Variants in RBFOX1 observed in about 807,000 individuals in gnomAD.
RBFOX1 encodes RNA binding fox-1 homolog 1.
A neutral mutation model predicts 57.7 loss-of-function variants in RBFOX1; 8 were observed. The ratio of observed to expected loss-of-function variants is 0.14; its 90% CI spans 0.08 to 0.25. The LOEUF is 0.25. RBFOX1 is among the 10% of genes least tolerant of loss of function. RBFOX1 has a pLI of 1.00. For synonymous variants in RBFOX1, 326 were observed against 222.4 expected (o/e 1.47, Z -4.15); for missense variants, 611 against 548.5 (o/e 1.11, Z -1.14).
chr16:5,497,002 T>G (rs74004336), intron 2 of RBFOX1, among the ~76,000 whole-genome samples: 7,869 of 152,304 alleles, frequency 0.052, 631 homozygotes, highest in African/African-American at 0.17. Flanking sequence ...AAAAGAATTT[T>G]TTTTTCAGGG....
intron 3 of RBFOX1, among the ~76,000 whole-genome samples, chr16:5,742,561 G>A (rs796596852): frequency 5.1e-4 from 78 of 152,252 alleles, no homozygotes; most frequent in African/African-American, 1.7e-3. Context: ...CCATAAGAAC[G>A]TCTGGCACAT....
chr16:5,780,334 A>G (rs935648187), intron 3 of RBFOX1, among the ~76,000 whole-genome samples: 3 of 152,150 alleles, frequency 2.0e-5, no homozygotes, highest in Non-Finnish European at 2.9e-5. Context: ...TTACCTTTCT[A>G]TAATCTTTTT....
rs576435916 is a variant in RBFOX1 at position 6,912,606 on chromosome 16, T to C, written c.-15-139451T>C. Reference sequence around the variant, plus strand: ...CTTGCTTTCTTGCTTTCTTTTCTTGTGTGTGTGTGTTATTACTATTTTTTT... The same window carrying C: ...CTTGCTTTCTTGCTTTCTTTTCTTGCGTGTGTGTGTTATTACTATTTTTTT... On this transcript the variant is annotated intron_variant, in intron 3 of 15. Transcript: ENST00000550418. Among the ~76,000 whole-genome samples, 18 of 136,580 alleles carry C rather than the reference T, an allele frequency of 1.3e-4. No homozygotes were observed. In the Middle Eastern group the frequency reaches 0.012, roughly 88 times the overall value. 89.6% of individuals were successfully genotyped at this position (136,580 alleles called of 152,430 possible).
chr16:6,654,105 T>G (rs1458357513), intron 2 of RBFOX1, among the ~76,000 whole-genome samples: 3 of 123,224 alleles, frequency 2.4e-5, no homozygotes, highest in African/African-American at 7.8e-5. Context: ...CATGGCTGTT[T>G]GGGTGGATGG....
chr16:7,700,300 C>G (rs575275886), intron 14 of RBFOX1, among the ~76,000 whole-genome samples: 2 of 152,226 alleles, frequency 1.3e-5, no homozygotes, highest in South Asian at 4.2e-4. Context: ...CATAACCCTC[C>G]TCTCACCCTC....
At chr16:7,703,740 T>G (rs532607064) in intron 14 of RBFOX1, among the ~76,000 whole-genome samples, 25 of 152,316 alleles carry the variant, frequency 1.6e-4, no homozygotes, top group African/African-American at 5.8e-4. Flanking sequence ...ATATTCCCAT[T>G]CAAGAGGCTG....
At chr16:7,507,708 C>A (rs1306773728) in intron 4 of RBFOX1, among the ~76,000 whole-genome samples, 1 of 151,628 alleles carries the variant, frequency 6.6e-6, no homozygotes, top group Non-Finnish European at 1.5e-5. Context: ...GGACTACAGG[C>A]GCCCACCACC....
intron 10 of RBFOX1, among the ~76,000 whole-genome samples, chr16:7,612,490 G>A (rs2057703586): frequency 6.6e-6 from 1 of 151,800 alleles, no homozygotes; most frequent in Non-Finnish European, 1.5e-5. Flanking sequence ...CCCAGTAGCA[G>A]GCCTCATGTT....
At chr16:6,251,586 T>C (rs1260172216) in intron 1 of RBFOX1, among the ~76,000 whole-genome samples, 1 of 151,402 alleles carries the variant, frequency 6.6e-6, no homozygotes, top group African/African-American at 2.4e-5. Flanking sequence ...CCCTTGGAGG[T>C]AGGGGGAGAG....
intron 10 of RBFOX1, among the ~76,000 whole-genome samples, chr16:7,607,577 A>G (rs1420122862): frequency 2.0e-5 from 3 of 152,190 alleles, no homozygotes; most frequent in African/African-American, 4.8e-5. Flanking sequence ...AGGACAATTC[A>G]CATTGATTTT....
intron 4 of RBFOX1, among the ~76,000 whole-genome samples, chr16:7,287,193 G>C (rs2095667065): frequency 6.6e-6 from 1 of 152,182 alleles, no homozygotes; most frequent in Non-Finnish European, 1.5e-5. Flanking sequence ...GGAAAGTGCA[G>C]GTCTTGATAA....
chr16:7,013,209 G>C (rs1597003111), intron 3 of RBFOX1, among the ~76,000 whole-genome samples: 1 of 152,150 alleles, frequency 6.6e-6, no homozygotes, highest in African/African-American at 2.4e-5. Context: ...GAGCCATTTA[G>C]TTCTCTAAGC....
chr16:6,201,913 A>C (rs533820683), intron 1 of RBFOX1, among the ~76,000 whole-genome samples: 1 of 152,316 alleles, frequency 6.6e-6, no homozygotes, highest in East Asian at 1.9e-4. Flanking sequence ...AATTGACTAC[A>C]ACTTAGAGCA....
At chr16:7,091,788 A>G (rs1228530622) in intron 4 of RBFOX1, among the ~76,000 whole-genome samples, 1 of 152,170 alleles carries the variant, frequency 6.6e-6, no homozygotes, top group Non-Finnish European at 1.5e-5. Flanking sequence ...TCTGTACTCT[A>G]CATTCTAGAG....
intron 3 of RBFOX1, among the ~76,000 whole-genome samples, chr16:6,867,525 C>G (rs1248575020): frequency 6.6e-6 from 1 of 152,068 alleles, no homozygotes; most frequent in African/African-American, 2.4e-5. Context: ...TCGAGATCAG[C>G]CTGGCCAACA....
At chr16:6,898,431 G>A (rs2067517867) in intron 3 of RBFOX1, among the ~76,000 whole-genome samples, 2 of 152,158 alleles carry the variant, frequency 1.3e-5, no homozygotes, top group African/African-American at 4.8e-5. Flanking sequence ...TGTGGCTGTG[G>A]TAGTAAGCAT....
At chr16:6,478,584 TG>T (rs926853768) in intron 2 of RBFOX1, among the ~76,000 whole-genome samples, 1 of 151,480 alleles carries the variant, frequency 6.6e-6, no homozygotes, top group East Asian at 1.9e-4. Flanking sequence ...GTCTTCGTCA[TG>T]AAGCTTAATC....
chr16:6,259,659 A>G (rs1160775809), intron 1 of RBFOX1, among the ~76,000 whole-genome samples: 1 of 152,098 alleles, frequency 6.6e-6, no homozygotes, highest in East Asian at 1.9e-4. Context: ...TAGAACAAAT[A>G]AAGATAAAAA....
At chr16:5,418,987 G>A (rs9930163) in intron 1 of RBFOX1, among the ~76,000 whole-genome samples, 2,025 of 152,244 alleles carry the variant, frequency 0.013, 48 homozygotes, top group African/African-American at 0.045. Flanking sequence ...GGATTGGGGC[G>A]CTGAGGGCCA....
Sources: gnomAD v4.1 joint callset for allele counts (sites outside exome capture counted in the v4.1 genomes callset) on GRCh38, gnomAD v4.1.1 for gene constraint, MANE v1.5 for transcripts, NCBI Gene and HGNC (gene_info 2026-07-23, HGNC 2026-07-21) for gene names.